RPTOR: variants seen among roughly 807,000 people sequenced by gnomAD.
RPTOR encodes regulatory associated protein of MTOR complex 1, also known as regulatory-associated protein of mTOR.
In RPTOR, 21 loss-of-function variants were observed where a neutral mutation model predicts 169.9. The ratio of observed to expected loss-of-function variants is 0.12; its 90% CI spans 0.09 to 0.18. The LOEUF (loss-of-function observed/expected upper bound fraction) is 0.18, where lower values mean the gene tolerates loss of function less well. RPTOR is among the 10% of genes least tolerant of loss of function. The pLI is 1.00. For missense variants in RPTOR, 1,133 were observed against 1,855.9 expected, an observed-to-expected ratio of 0.61 and a Z score of 7.16; for synonymous variants, 732 against 753.2, an observed-to-expected ratio of 0.97 and a Z score of 0.46.
chr17:80,949,510 G>T lies in RPTOR; in HGVS notation c.3333G>T (p.Ala1111=). 1.2e-6 allele frequency: 2 copies of T among 1,614,156 alleles called. No individual in the cohort carries two copies. Among genetic ancestry groups the T allele is most frequent in the Non-Finnish European group, 1.7e-6 (2 of 1,180,036 alleles). Residue 1111 remains alanine (A), a synonymous_variant, in exon 28 of 34, where the codon GCG becomes GCT. Transcript: ENST00000306801. ...DLEKNPEMVT[A]WQGLSDMLPT... Reference sequence around the variant, plus strand: ...AAAAGAACCCAGAGATGGTGACCGCGTGGCAGGGGCTCTCGGACATGCTGC... The same window carrying T: ...AAAAGAACCCAGAGATGGTGACCGCTTGGCAGGGGCTCTCGGACATGCTGC...
chr17:80,593,546 A>G (rs191148452), intron 1 of RPTOR: 1 of 154,690 alleles, frequency 6.5e-6, no homozygotes, highest in Admixed American at 6.5e-5. Context: ...GTGTGTATCA[A>G]ACAATACTGA....
intron 1 of RPTOR, among the ~76,000 whole-genome samples, chr17:80,612,604 A>G (rs142776616): frequency 1.2e-4 from 19 of 152,344 alleles, no homozygotes; most frequent in African/African-American, 4.6e-4. Flanking sequence ...TGTCTTATGT[A>G]CAAAGAAAGG....
At chr17:80,604,139 A>G (rs76785918) in intron 1 of RPTOR, among the ~76,000 whole-genome samples, 3,377 of 152,338 alleles carry the variant, frequency 0.022, 140 homozygotes, top group African/African-American at 0.077. Flanking sequence ...AAACAAGCGA[A>G]TATTGACATG....
rs112345495 is a variant in RPTOR at position 80,621,570 on chromosome 17, C to T, written c.163-4121C>T. 9.6e-3 allele frequency among the ~76,000 whole-genome samples: 1,456 copies of T among 152,314 alleles called. 24 individuals carry two copies. The highest frequency in any genetic ancestry group is 0.033 in the African/African-American group (1,391 of 41,564). On this transcript the variant is annotated intron_variant, in intron 1 of 33. Coordinates refer to ENST00000306801, the MANE Select transcript of RPTOR (RefSeq NM_020761.3). ...AGCGAGCTTGCCCTAGTCCTGGCTG[C>T]CCCACTTGCTCGCTCCCTGGACTTG...
intron 1 of RPTOR, among the ~76,000 whole-genome samples, chr17:80,556,796 A>C (rs999663359): frequency 2.0e-5 from 3 of 151,288 alleles, no homozygotes; most frequent in African/African-American, 7.3e-5. Context: ...AAAAAAAAAA[A>C]AACTTAAAAC....
chr17:80,688,343 C>T (rs563878691), intron 3 of RPTOR, among the ~76,000 whole-genome samples: 5 of 152,174 alleles, frequency 3.3e-5, no homozygotes, highest in Non-Finnish European at 7.3e-5. Flanking sequence ...GCTAAAGTCA[C>T]AAAACTGGTA....
chr17:80,927,720 G>GTGTGTT (rs2068828544), intron 24 of RPTOR, among the ~76,000 whole-genome samples: 2 of 45,422 alleles, frequency 4.4e-5, no homozygotes. Context: ...TCGTGTGTGT[G>GTGTGTT]TCTGTGTGTT....
intron 28 of RPTOR, among the ~76,000 whole-genome samples, chr17:80,954,454 C>T (rs778960603): frequency 1.1e-4 from 17 of 151,288 alleles, no homozygotes; most frequent in Non-Finnish European, 1.6e-4. Context: ...TTTGTAAAGA[C>T]AAGGTCTTGC....
At chr17:80,898,701 G>A (rs1338603794) in intron 20 of RPTOR, among the ~76,000 whole-genome samples, 5 of 59,790 alleles carry the variant, frequency 8.4e-5, no homozygotes, top group East Asian at 1.3e-3. Flanking sequence ...GACTCCCCCC[G>A]CCCCGGCTCC....
intron 10 of RPTOR, among the ~76,000 whole-genome samples, chr17:80,843,400 AAC>A (rs767645344): frequency 1.7e-4 from 26 of 149,814 alleles, no homozygotes; most frequent in Non-Finnish European, 1.9e-4. Flanking sequence ...CAGCCTGGGC[AAC>A]AGAGTGAGAC....
At chr17:80,925,762 G>GT (rs2068804668) in intron 24 of RPTOR, among the ~76,000 whole-genome samples, 1 of 152,186 alleles carries the variant, frequency 6.6e-6, no homozygotes. Context: ...CTCCCTAATG[G>GT]TGAGGATCAC....
At chr17:80,552,177 A>G (rs2084354295) in intron 1 of RPTOR, among the ~76,000 whole-genome samples, 1 of 152,158 alleles carries the variant, frequency 6.6e-6, no homozygotes, top group South Asian at 2.1e-4. Flanking sequence ...TTTCCCCACA[A>G]AAGTGTGAAT....
chr17:80,587,907 T>C (rs2065075184), intron 1 of RPTOR, among the ~76,000 whole-genome samples: 1 of 152,186 alleles, frequency 6.6e-6, no homozygotes, highest in East Asian at 1.9e-4. Context: ...GGCTTGTGCC[T>C]TTTGACCAAC....
rs751061693 is a variant in RPTOR at position 80,730,192 on chromosome 17, C to T, written c.508-368C>T. ...CGCAATCTTGGCTCACTGTAACCTT[C>T]GCCTCCCGGGTTCAGGTGATTCTCC... On this transcript the variant is annotated intron_variant, in intron 4 of 33. Coordinates refer to ENST00000306801, the MANE Select transcript of RPTOR (RefSeq NM_020761.3). The surrounding 1 kb of genome is among the most constrained non-coding windows in gnomAD (Gnocchi z 4.2). Among the ~76,000 whole-genome samples the T allele has an allele frequency of 4.6e-5, 7 of 152,074 alleles. No individual in the cohort carries two copies. Among genetic ancestry groups the T allele is most frequent in the Non-Finnish European group, 7.4e-5 (5 of 67,996 alleles).
intron 21 of RPTOR, among the ~76,000 whole-genome samples, chr17:80,914,352 G>A (rs1419302764): frequency 1.3e-5 from 2 of 152,170 alleles, no homozygotes; most frequent in Non-Finnish European, 2.9e-5. Context: ...CCGGGAGCAG[G>A]CAGGAACCCC....
rs900536817 is a variant in RPTOR, at chr17:80,612,571, G to A, written c.163-13120G>A. Among the ~76,000 whole-genome samples, 4 of 152,310 alleles carry A rather than the reference G, an allele frequency of 2.6e-5. No individual in the cohort carries two copies. The East Asian group carries it at 7.7e-4, about 29-fold the overall frequency. On this transcript the variant is annotated intron_variant, in intron 1 of 33. Coordinates refer to ENST00000306801, the MANE Select transcript of RPTOR (RefSeq NM_020761.3). ...TCTGATTTTCAGCCTTTGCTTTGTG[G>A]CTCATTTGTTCTCTGAAGCCTGTGT...
rs1294945984 is a variant in RPTOR at position 80,936,313 on chromosome 17, C to T, written c.2920-4183C>T. Among the ~76,000 whole-genome samples the T allele has an allele frequency of 6.6e-6, 1 of 152,178 alleles. No homozygotes were observed. The highest frequency in any genetic ancestry group is 1.5e-5 in the Non-Finnish European group (1 of 68,036). On this transcript the variant is annotated intron_variant, in intron 24 of 33. Transcript: ENST00000306801. The surrounding 1 kb of genome is among the most constrained non-coding windows in gnomAD (Gnocchi z 4.1). The stretch of plus-strand genomic sequence containing the variant: ...GTTGTCAGTTTCTTACAAAGTTAAA[C>T]GTATGCCTACCATGCAACCTAACCA...
intron 4 of RPTOR, among the ~76,000 whole-genome samples, chr17:80,718,702 G>A (rs1442986255): frequency 2.0e-5 from 3 of 152,200 alleles, no homozygotes; most frequent in South Asian, 4.1e-4. Context: ...AACCAGCATG[G>A]TATTCATTGG....
In RPTOR at chr17:80,823,188, C is replaced by T. The variant is rs1259025179; in HGVS notation, c.1101C>T (p.Ser367=). The stretch of plus-strand genomic sequence containing the variant: ...CGTATAACTGCACTCCCGTCAGCAG[C>T]CCGCGTCTGCCGCCCACGTACATGC... ...MRSYNCTPVS[S]PRLPPTYMHA... The change falls in exon 9 of 34, where the codon AGC becomes AGT. Residue 367 remains serine (S), a synonymous_variant. Coordinates refer to ENST00000306801, the MANE Select transcript of RPTOR (RefSeq NM_020761.3). This position sits in a 1 kb window ranked among gnomAD's most constrained non-coding sequence, Gnocchi z 4.5. 3 of 1,614,152 alleles carry T rather than the reference C, an allele frequency of 1.9e-6. No homozygotes were observed. In the East Asian group the frequency reaches 6.7e-5, roughly 36 times the overall value.
Sources: allele counts gnomAD v4.1 joint callset (sites outside exome capture counted in the v4.1 genomes callset), GRCh38; gene constraint gnomAD v4.1.1; non-coding constraint Gnocchi (gnomAD v3.1); transcripts MANE v1.5; gene names NCBI Gene and HGNC (gene_info 2026-07-23, HGNC 2026-07-21).